LITAF: variants seen among roughly 807,000 people sequenced by gnomAD.
The protein encoded by LITAF is lipopolysaccharide-induced tumor necrosis factor-alpha factor.
Under a neutral mutation model 14.5 loss-of-function variants are expected in LITAF, and 9 were observed. The observed-to-expected ratio is 0.62, with a 90% CI of 0.37 to 1.08. The LOEUF is 1.08. Among genes scored for constraint, LITAF ranks in the 50% least tolerant of loss-of-function variants. LITAF has a pLI of 0.01. For missense variants in LITAF, 206 were observed against 213.4 expected (o/e 0.97, Z 0.22); for synonymous variants, 98 against 88.2 (o/e 1.11, Z -0.62).
At chr16:11,607,777 G>T (rs2064962174) in intron 3 of LITAF, among the ~76,000 whole-genome samples, 1 of 152,138 alleles carries the variant, frequency 6.6e-6, no homozygotes, top group Admixed American at 6.5e-5. Flanking sequence ...ATTAGTATTT[G>T]GGGCCAGGTC....
In LITAF at chr16:11,592,413, T is replaced by C. The variant is rs563908296; in HGVS notation, c.-6+5975A>G. 2.0e-5 allele frequency among the ~76,000 whole-genome samples: 3 copies of C among 151,880 alleles called. No homozygotes were observed. The East Asian group carries it at 5.8e-4, about 30-fold the overall frequency. On this transcript the variant is annotated intron_variant, in intron 1 of 3. Coordinates refer to the LITAF transcript ENST00000571627. The stretch of plus-strand genomic sequence containing the variant: ...CAACATGGTGAAACCCCATCTCTAC[T>C]AAAAATACAAAAATTAGCCAGGCAT...
At chr16:11,587,630 C>T, upstream of LITAF, 1 of 236,782 alleles carries the variant, frequency 4.2e-6, no homozygotes, top group South Asian at 4.0e-5. Context: ...GTGGTCCGTG[C>T]CGCCAGGTAG....
At chr16:11,578,603 TATTA>T (rs1262029807) in intron 1 of LITAF, among the ~76,000 whole-genome samples, 8 of 152,192 alleles carry the variant, frequency 5.3e-5, no homozygotes, top group African/African-American at 1.2e-4. Context: ...TCTCTCTTGA[TATTA>T]ATTAACATCA....
At chr16:11,562,295 C>A (rs183955379) in intron 1 of LITAF, among the ~76,000 whole-genome samples, 2 of 118,940 alleles carry the variant, frequency 1.7e-5, no homozygotes, top group Non-Finnish European at 3.2e-5. Flanking sequence ...GCCTGGGTGA[C>A]TGAGCGAGAC....
intron 1 of LITAF, among the ~76,000 whole-genome samples, chr16:11,565,896 T>A (rs907036368): frequency 2.0e-5 from 3 of 151,674 alleles, no homozygotes; most frequent in Non-Finnish European, 4.4e-5. Flanking sequence ...GGAGCCTCTC[T>A]ATATGGTGCA....
Position 11,553,361 on chromosome 16 carries a change from A to G in LITAF, c.377+172T>C. The G allele has an allele frequency of 1.5e-6, 1 of 687,508 alleles. No individual in the cohort carries two copies. 42.6% of individuals were successfully genotyped at this position (687,508 alleles called of 1,614,324 possible). A position where few individuals can be genotyped will look rare whatever the true frequency, so the allele number is the denominator to read the frequency against. ...GAGCAGTGGGGGTTACAGTGAGCCG[A>G]GATCGCCCCACTGTACTCCAGCCTG... On this transcript the variant is annotated intron_variant, in intron 3 of 3. Coordinates refer to ENST00000622633, the MANE Select transcript of LITAF (RefSeq NM_001136472.2). This position sits in a 1 kb window ranked among gnomAD's most constrained non-coding sequence, Gnocchi z 7.7.
intron 2 of LITAF, among the ~76,000 whole-genome samples, chr16:11,635,121 T>C (rs940558649): frequency 2.6e-5 from 4 of 152,144 alleles, no homozygotes; most frequent in African/African-American, 9.7e-5. Context: ...GCCAGCTCTG[T>C]GTGAATTAAA....
upstream of LITAF, among the ~76,000 whole-genome samples, chr16:11,636,874 C>CT (rs58560112): frequency 6.1e-3 from 880 of 144,380 alleles, 2 homozygotes; most frequent in Non-Finnish European, 9.0e-3. Context: ...ATTTATTTTT[C>CT]TTTTTTTTTT....
At chr16:11,579,595 A>G (rs549635562) in intron 1 of LITAF, among the ~76,000 whole-genome samples, 1 of 152,210 alleles carries the variant, frequency 6.6e-6, no homozygotes, top group East Asian at 1.9e-4. Flanking sequence ...TCAGTGGGAG[A>G]ACTGGGAACT....
At chr16:11,564,718 G>A (rs993746413) in intron 1 of LITAF, among the ~76,000 whole-genome samples, 1 of 152,114 alleles carries the variant, frequency 6.6e-6, no homozygotes, top group African/African-American at 2.4e-5. Flanking sequence ...GGAAGCCCGG[G>A]GTGGCCAGCC....
At chr16:11,556,386 G>A (rs374893714) in intron 2 of LITAF, 125 bp downstream of exon 2, 2 of 749,300 alleles carry the variant, frequency 2.7e-6, no homozygotes, top group South Asian at 3.7e-5. Context: ...TCAAGGTAAG[G>A]GGGTAAAACT....
rs2064223604 is a variant in LITAF, at chr16:11,553,855, G to T, written c.221-166C>A. ...TGGCTATCTATGAGAGCCAAAAGGG[G>T]AAGGAACACCAGTGTCCATCGACGG... On this transcript the variant is annotated intron_variant, in intron 2 of 3. Transcript: ENST00000622633. The surrounding 1 kb of genome is among the most constrained non-coding windows in gnomAD (Gnocchi z 7.7). The T allele has an allele frequency of 2.8e-6, 2 of 719,472 alleles. No homozygotes were observed. Among genetic ancestry groups the T allele is most frequent in the African/African-American group, 1.7e-5 (1 of 57,410 alleles). 44.6% of individuals were successfully genotyped at this position (719,472 alleles called of 1,614,324 possible).
At chr16:11,606,064 G>T (rs749994378) in intron 3 of LITAF, among the ~76,000 whole-genome samples, 1 of 151,804 alleles carries the variant, frequency 6.6e-6, no homozygotes, top group Admixed American at 6.6e-5. Context: ...CACAGAACAG[G>T]CATGATAGGC....
At chr16:11,629,369 G>A (rs1567268384) in intron 3 of LITAF, among the ~76,000 whole-genome samples, 1 of 152,192 alleles carries the variant, frequency 6.6e-6, no homozygotes, top group African/African-American at 2.4e-5. Context: ...TCAGAAGAGG[G>A]GAGTAAGGAG....
Position 11,632,024 on chromosome 16 carries a change from G to A in LITAF, c.85+1509C>T, listed in dbSNP as rs766148688. ...TGGGATTACAGGTGTGCGCCACCAC[G>A]CCCGGCTAATTTTTTTGTCTTTTTA... On this transcript the variant is annotated intron_variant, in intron 3 of 3. Coordinates refer to the LITAF transcript ENST00000574848. The surrounding 1 kb of genome is among the most constrained non-coding windows in gnomAD (Gnocchi z 4.8). Among the ~76,000 whole-genome samples, 1 of 151,766 alleles carries A rather than the reference G, an allele frequency of 6.6e-6. No individual in the cohort carries two copies.
At chr16:11,575,042 A>G (rs2064608702) in intron 1 of LITAF, among the ~76,000 whole-genome samples, 1 of 152,028 alleles carries the variant, frequency 6.6e-6, no homozygotes, top group South Asian at 2.1e-4. Context: ...ACCTCAAGTG[A>G]TCCGCCCACC....
rs1230881724 is a variant in LITAF, at chr16:11,553,878, CG to C, written c.221-190del. ...GGGAAGGAACACCAGTGTCCATCGACGGACCAATAAACTAACACAGCGAAGT... is the reference window on the plus strand; with the variant it reads ...GGGAAGGAACACCAGTGTCCATCGACGACCAATAAACTAACACAGCGAAGT... On this transcript the variant is annotated intron_variant, in intron 2 of 3. Coordinates refer to ENST00000622633, the MANE Select transcript of LITAF (RefSeq NM_001136472.2). This position sits in a 1 kb window ranked among gnomAD's most constrained non-coding sequence, Gnocchi z 7.7. 7 of 617,664 alleles carry C rather than the reference CG, an allele frequency of 1.1e-5. No individual in the cohort carries two copies. In the Admixed American group the frequency reaches 1.3e-4, roughly 11 times the overall value. 38.3% of individuals were successfully genotyped at this position (617,664 alleles called of 1,614,324 possible).
chr16:11,597,991 C>G (rs1337315374), intron 1 of LITAF, among the ~76,000 whole-genome samples: 2 of 152,204 alleles, frequency 1.3e-5, no homozygotes, highest in East Asian at 3.9e-4. Context: ...ACTGCAGCCT[C>G]TACCTCCTGA....
At chr16:11,631,103 G>A (rs1042955265) in intron 3 of LITAF, among the ~76,000 whole-genome samples, 1 of 152,162 alleles carries the variant, frequency 6.6e-6, no homozygotes, top group Non-Finnish European at 1.5e-5. Flanking sequence ...TTGGGATTTG[G>A]ACTCAGGGCT....
Sources: gnomAD v4.1 joint callset for allele counts (sites outside exome capture counted in the v4.1 genomes callset) on GRCh38, gnomAD v4.1.1 for gene constraint, Gnocchi (gnomAD v3.1) non-coding constraint, MANE v1.5 for transcripts, NCBI Gene and HGNC (gene_info 2026-07-23, HGNC 2026-07-21) for gene names.